SDS: variants seen among roughly 807,000 people sequenced by gnomAD.
SDS encodes serine dehydratase.
In SDS, 19 loss-of-function variants were observed where a neutral mutation model predicts 29.3. The observed-to-expected ratio is 0.65, with a 90% CI of 0.45 to 0.95. SDS has a LOEUF of 0.95. Ranked by LOEUF, SDS falls within the 40% of genes least tolerant of loss-of-function variation. The pLI, the probability that SDS is intolerant of heterozygous loss-of-function variation, is 0.00. For missense variants in SDS, 375 were observed against 439.9 expected, an observed-to-expected ratio of 0.85 and a Z score of 1.32; for synonymous variants, 176 against 189.0, an observed-to-expected ratio of 0.93 and a Z score of 0.56.
At position 113,392,781 on chromosome 12, in the gene SDS, G is replaced by A. The variant is rs941835551; in HGVS notation, c.*160C>T. Reference sequence around the variant, plus strand: ...CCAATTCATAGCCTCGCTGGCTGCCGACCTTTGGCCTCTGCATAGTGGGCT... The same window carrying A: ...CCAATTCATAGCCTCGCTGGCTGCCAACCTTTGGCCTCTGCATAGTGGGCT... On this transcript the variant is annotated 3_prime_UTR_variant, in exon 8 of 8. Coordinates refer to ENST00000257549, the MANE Select transcript of SDS (RefSeq NM_006843.3). The A allele has an allele frequency of 7.8e-5, 58 of 741,476 alleles. No homozygotes were observed. The highest frequency in any genetic ancestry group is 1.2e-4 in the Non-Finnish European group (53 of 428,176). The allele number at this position is 741,476 out of a possible 1,614,324, so 45.9% of individuals were successfully genotyped here.
chr12:113,402,641 C>A lies in SDS; in HGVS notation c.-3+1127G>T, dbSNP rs115274894. Among the ~76,000 whole-genome samples, 707 of 152,122 alleles carry A rather than the reference C, an allele frequency of 4.6e-3. 7 individuals carry two copies. The highest frequency in any genetic ancestry group is 0.016 in the African/African-American group (660 of 41,504). Reference sequence around the variant, plus strand: ...GGTCACCAAGGCCTGGCCTCAGGGACAATCGGGGTGGGAGTCAGAGGAGCC... The same window carrying A: ...GGTCACCAAGGCCTGGCCTCAGGGAAAATCGGGGTGGGAGTCAGAGGAGCC... On this transcript the variant is annotated intron_variant, in intron 1 of 7. Coordinates refer to ENST00000257549, the MANE Select transcript of SDS (RefSeq NM_006843.3).
Position 113,398,706 on chromosome 12 carries a change from C to A in SDS, c.333+1G>T. 1 of 1,614,004 alleles carries A rather than the reference C, an allele frequency of 6.2e-7. No homozygotes were observed. Among genetic ancestry groups the A allele is most frequent in the Non-Finnish European group, 8.5e-7 (1 of 1,179,890 alleles). The stretch of plus-strand genomic sequence containing the variant: ...CTTCCTTGCCCTGGGTCGGCACTCA[C>A]CTCACCCACCACCTTGACTGTGGCA... On this transcript the variant is annotated splice_donor_variant, in intron 4 of 7. Coordinates refer to ENST00000257549, the MANE Select transcript of SDS (RefSeq NM_006843.3). LOFTEE classifies it high-confidence loss of function.
chr12:113,393,300 G>A (rs1277086090), intron 7 of SDS, 151 bp from the exon 8 acceptor site: 7 of 745,188 alleles, frequency 9.4e-6, no homozygotes, highest in African/African-American at 3.6e-5. Context: ...TCCCGTCATC[G>A]GCCTGAATTG....
intron 6 of SDS, chr12:113,396,918 C>G (rs1402428075): frequency 1.8e-6 from 1 of 555,598 alleles, no homozygotes; most frequent in East Asian, 2.9e-5. Context: ...GGATTACAGG[C>G]ACAAGTCACT....
At chr12:113,396,959 G>C (rs1469048371) in intron 6 of SDS, 1 of 593,800 alleles carries the variant, frequency 1.7e-6, no homozygotes, top group African/African-American at 1.9e-5. Context: ...CTTTTCACGT[G>C]AGGAAGTGTG....
rs543985638 is a variant in SDS at position 113,399,243 on chromosome 12, T to G, written c.154-92A>C. 17 of 1,344,274 alleles carry G rather than the reference T, an allele frequency of 1.3e-5. No homozygotes were observed. The African/African-American group carries it at 1.3e-4, about 10-fold the overall frequency. The allele number at this position is 1,344,274 out of a possible 1,614,324, so 83.3% of individuals were successfully genotyped here. ...CCTGGAATACCTGCCAGGATTCCAGTGGACACGGACGTTTCCTTCACTCAG... is the reference window on the plus strand; with the variant it reads ...CCTGGAATACCTGCCAGGATTCCAGGGGACACGGACGTTTCCTTCACTCAG... On this transcript the variant is annotated intron_variant, in intron 2 of 7. Coordinates refer to ENST00000257549, the MANE Select transcript of SDS (RefSeq NM_006843.3).
At chr12:113,397,636 G>A (rs932490320) in intron 5 of SDS, among the ~76,000 whole-genome samples, 2 of 152,172 alleles carry the variant, frequency 1.3e-5, no homozygotes, top group African/African-American at 4.8e-5. Flanking sequence ...CAATGGCTAC[G>A]AGTCGGTGTA....
At chr12:113,398,077 GT>G (rs1175436592) in intron 5 of SDS, among the ~76,000 whole-genome samples, 1,378 of 117,948 alleles carry the variant, frequency 0.012, 11 homozygotes, top group African/African-American at 0.041. Context: ...TTTTTTTTTT[GT>G]TTTTTTTTTT....
rs749557768 is a variant in SDS at position 113,398,529 on chromosome 12, A to G, written c.411T>C (p.Asp137=). Residue 137 remains aspartate (D), a synonymous_variant, in exon 5 of 8, where the codon GAT becomes GAC. Coordinates refer to ENST00000257549, the MANE Select transcript of SDS (RefSeq NM_006843.3). Reference sequence around the variant, plus strand: ...ACTCCACATACCAGATGAGGGGGTCATCAAAGGGGGGAATGTAGACCCAAC... The same window carrying G: ...ACTCCACATACCAGATGAGGGGGTCGTCAAAGGGGGGAATGTAGACCCAAC... ...NPGWVYIPPF[D]DPLIWEGHAS... 3.1e-6 allele frequency: 5 copies of G among 1,591,068 alleles called. No homozygotes were observed. Among genetic ancestry groups the G allele is most frequent in the Non-Finnish European group, 4.3e-6 (5 of 1,170,192 alleles).
rs1368606826 is a variant in SDS, at chr12:113,396,475, T to C, written c.653+690A>G. 5.7e-5 allele frequency among the ~76,000 whole-genome samples: 5 copies of C among 87,200 alleles called. 1 individual carries two copies. The South Asian group carries it at 2.3e-3, about 40-fold the overall frequency. 57.2% of individuals were successfully genotyped at this position (87,200 alleles called of 152,430 possible). On this transcript the variant is annotated intron_variant, in intron 6 of 7. Transcript: ENST00000257549. ...TCTCTTTCTCTTTCTCCTTTTTTCT[T>C]TCTTTCTCTCTCTTTCTTTCCTCTT... is the stretch of plus-strand genomic sequence containing the variant.
intron 7 of SDS, 121 bp downstream of exon 7, chr12:113,393,771 A>T: frequency 7.7e-7 from 1 of 1,298,288 alleles, no homozygotes; most frequent in Non-Finnish European, 1.1e-6. Flanking sequence ...TTCTAGGCAG[A>T]GGTGGAAGAC....
chr12:113,398,929 T>C (rs1957666836), intron 3 of SDS, 83 bp from the exon 4 acceptor site: 1 of 1,529,102 alleles, frequency 6.5e-7, no homozygotes, highest in African/African-American at 1.4e-5. Context: ...TACTGGGGGC[T>C]CTGGAGTTCC....
At chr12:113,401,089 CGTCTACAGATCGAGACTCT>C in intron 1 of SDS, among the ~76,000 whole-genome samples, 1 of 152,134 alleles carries the variant, frequency 6.6e-6, no homozygotes, top group East Asian at 1.9e-4. Flanking sequence ...ACTCCAGCCT[CGTCTACAGATCGAGACTCT>C]GTCTCAAACA....
chr12:113,399,127 A>G lies in SDS; in HGVS notation c.178T>C (p.Phe60Leu). 1 of 1,613,942 alleles carries G rather than the reference A, an allele frequency of 6.2e-7. No individual in the cohort carries two copies. The highest frequency in any genetic ancestry group is 8.5e-7 in the Non-Finnish European group (1 of 1,179,938). ...KRWAKQGCAH[F>L]VCSSAGNAGM... Reference sequence around the variant, plus strand: ...GATCACTTACCCGAGGAGCAGACAAAATGTGCACAGCCTTGCTTGGCCCAC... The same window carrying G: ...GATCACTTACCCGAGGAGCAGACAAGATGTGCACAGCCTTGCTTGGCCCAC... The change falls in exon 3 of 8, where the codon TTT becomes CTT. Residue 60 changes from phenylalanine to leucine, a missense_variant. By Grantham distance (22) the Phe-to-Leu change is conservative (BLOSUM62 0). Transcript: ENST00000257549.
At chr12:113,393,582 C>T (rs1004984493) in intron 7 of SDS, among the ~76,000 whole-genome samples, 2 of 152,190 alleles carry the variant, frequency 1.3e-5, no homozygotes, top group Non-Finnish European at 2.9e-5. Flanking sequence ...CTCTGAGCCC[C>T]ATGTTTTCCT....
intron 5 of SDS, among the ~76,000 whole-genome samples, chr12:113,398,224 C>G (rs117878028): frequency 0.027 from 4,066 of 152,156 alleles, 100 homozygotes; most frequent in Middle Eastern, 0.076. Context: ...GCGTGTGTCA[C>G]CAAGTACAGG....
chr12:113,401,270 A>G (rs562158919), intron 1 of SDS, among the ~76,000 whole-genome samples: 1 of 152,250 alleles, frequency 6.6e-6, no homozygotes, highest in African/African-American at 2.4e-5. Context: ...AAACAAAATA[A>G]CCTAACTTTT....
intron 6 of SDS, chr12:113,396,962 G>A (rs781564530): frequency 5.6e-5 from 33 of 594,518 alleles, no homozygotes; most frequent in Non-Finnish European, 9.0e-5. Context: ...TTCACGTGAG[G>A]AAGTGTGACA....
intron 6 of SDS, among the ~76,000 whole-genome samples, chr12:113,396,455 TTCTC>T (rs1160953046): frequency 7.0e-6 from 1 of 143,028 alleles, no homozygotes; most frequent in Non-Finnish European, 1.5e-5. Flanking sequence ...CTTTCTCTCT[TTCTC>T]TTTCTCCTTT....
Sources: gnomAD v4.1 joint callset for allele counts (sites outside exome capture counted in the v4.1 genomes callset) on GRCh38, gnomAD v4.1.1 for gene constraint, MANE v1.5 for transcripts, NCBI Gene and HGNC (gene_info 2026-07-23, HGNC 2026-07-21) for gene names.